The following ANGPT1 variants were observed in gnomAD, a reference collection of about 807,000 sequenced individuals.
ANGPT1 encodes the protein angiopoietin 1, also known as angiopoietin-1.
In ANGPT1, 17 loss-of-function variants were observed where a neutral mutation model predicts 62.2. That is an observed-to-expected ratio of 0.27 (90% CI 0.19 to 0.41). ANGPT1 has a LOEUF of 0.41. ANGPT1 is among the 10% of genes least tolerant of loss of function. The probability of loss-of-function intolerance (pLI) is 1.00; values close to 1 mark genes in which losing one functional copy is unlikely to be tolerated. For missense variants in ANGPT1, 478 were observed against 594.9 expected (o/e 0.80, Z 2.04); for synonymous variants, 199 against 198.9 (o/e 1.00, Z 0.00).
intron 1 of ANGPT1, among the ~76,000 whole-genome samples, chr8:107,374,845 G>T (rs998445579): frequency 6.6e-6 from 1 of 152,170 alleles, no homozygotes; most frequent in African/African-American, 2.4e-5. Context: ...GTATCAGATG[G>T]TATTTAGCTA....
At chr8:107,310,058 T>G (rs1169559224) in intron 4 of ANGPT1, among the ~76,000 whole-genome samples, 2 of 152,150 alleles carry the variant, frequency 1.3e-5, no homozygotes, top group Non-Finnish European at 2.9e-5. Context: ...AAGAACTTCT[T>G]TGCTCTCATT....
At chr8:107,284,893 T>C in intron 6 of ANGPT1, 45 bp from the exon 7 acceptor site, 2 of 1,362,692 alleles carry the variant, frequency 1.5e-6, no homozygotes, top group South Asian at 2.0e-5. Context: ...AGAGAGGAAT[T>C]CTTTTCATGT....
In ANGPT1 at chr8:107,424,961, G is replaced by A. The variant is rs577943587; in HGVS notation, c.297+72301C>T. On this transcript the variant is annotated intron_variant, in intron 1 of 8. Coordinates refer to ENST00000517746, the MANE Select transcript of ANGPT1 (RefSeq NM_001146.5). ...ATCATCTCGACTCACTGCAACCTTC[G>A]CCTCCCGGGTTCAAGTGATTCTCCT... 2.6e-5 allele frequency among the ~76,000 whole-genome samples: 4 copies of A among 152,108 alleles called. No individual in the cohort carries two copies. In the South Asian group the frequency reaches 6.2e-4, roughly 24 times the overall value.
intron 7 of ANGPT1, among the ~76,000 whole-genome samples, chr8:107,282,434 GTGTA>G (rs892095761): frequency 4.0e-4 from 9 of 22,228 alleles, no homozygotes; most frequent in Admixed American, 1.8e-3. Context: ...ATATATATGT[GTGTA>G]TGTGTGTGTG....
At chr8:107,330,993 T>C (rs1018517362) in intron 3 of ANGPT1, among the ~76,000 whole-genome samples, 1 of 152,110 alleles carries the variant, frequency 6.6e-6, no homozygotes, top group African/African-American at 2.4e-5. Flanking sequence ...TAGAATAATA[T>C]AAATTCAAAA....
At chr8:107,432,254 G>T (rs1811207224) in intron 1 of ANGPT1, among the ~76,000 whole-genome samples, 1 of 151,612 alleles carries the variant, frequency 6.6e-6, no homozygotes, top group African/African-American at 2.4e-5. Flanking sequence ...AAATTATTTT[G>T]GGATTATTCC....
rs1371396961 is a variant in ANGPT1, at chr8:107,257,876, G to GTTTTTTGT, written c.1337-5862_1337-5861insACAAAAAA. 1.5e-4 allele frequency among the ~76,000 whole-genome samples: 13 copies of GTTTTTTGT among 85,296 alleles called. 2 individuals are homozygous for GTTTTTTGT. The highest frequency in any genetic ancestry group is 6.0e-4 in the African/African-American group (13 of 21,536). 56.0% of individuals were successfully genotyped at this position (85,296 alleles called of 152,430 possible). The stretch of plus-strand genomic sequence containing the variant: ...CTCTTCAGGCCAAGGACTTGTTTTT[G>GTTTTTTGT]TTTCTTTTTTGTTTGTTTGTTTGTT... On this transcript the variant is annotated intron_variant, in intron 8 of 8. Transcript: ENST00000517746.
intron 1 of ANGPT1, among the ~76,000 whole-genome samples, chr8:107,425,735 T>C (rs1408036286): frequency 1.3e-5 from 2 of 152,218 alleles, no homozygotes; most frequent in African/African-American, 4.8e-5. Flanking sequence ...TGAAGACAGT[T>C]ACTTTCCCAC....
In ANGPT1 at chr8:107,277,861, G is replaced by A. The variant is rs1251014063; in HGVS notation, c.1205+6821C>T. Among the ~76,000 whole-genome samples the A allele has an allele frequency of 4.6e-5, 7 of 152,060 alleles. No individual in the cohort carries two copies. In the South Asian group the frequency reaches 8.3e-4, roughly 18 times the overall value. On this transcript the variant is annotated intron_variant, in intron 7 of 8. Transcript: ENST00000517746. ...TGGTAGACTGTTTCAGGTAAAAGGC[G>A]ACTCAAGAGACATGACTGCAAATGC...
intron 2 of ANGPT1, among the ~76,000 whole-genome samples, chr8:107,339,004 T>C (rs993594110): frequency 1.3e-5 from 2 of 152,260 alleles, no homozygotes; most frequent in Non-Finnish European, 1.5e-5. Flanking sequence ...CGCCGTACTC[T>C]CTGATCACAG....
At chr8:107,464,218 GATAA>G (rs1311336083) in intron 1 of ANGPT1, among the ~76,000 whole-genome samples, 1 of 152,098 alleles carries the variant, frequency 6.6e-6, no homozygotes, top group Non-Finnish European at 1.5e-5. Context: ...GATTAGAGGA[GATAA>G]TACACATATA....
chr8:107,497,622 A>G lies in ANGPT1; in HGVS notation c.-64T>C, dbSNP rs566926821. On this transcript the variant is annotated 5_prime_UTR_variant, in exon 1 of 9. Transcript: ENST00000517746. ...CTTGCTCCTTTCTTCTGACCTCTAA[A>G]ACTAGTTCTTTATTTCAGGTAAAAC... The G allele has an allele frequency of 1.5e-4, 228 of 1,494,090 alleles. 2 individuals are homozygous for G. In the Middle Eastern group the frequency reaches 7.6e-3, roughly 50 times the overall value. 92.6% of individuals were successfully genotyped at this position (1,494,090 alleles called of 1,614,324 possible). A position where few individuals can be genotyped will look rare whatever the true frequency, so the allele number is the denominator to read the frequency against.
intron 1 of ANGPT1, among the ~76,000 whole-genome samples, chr8:107,375,916 T>C (rs1816522206): frequency 6.6e-6 from 1 of 152,220 alleles, no homozygotes; most frequent in Non-Finnish European, 1.5e-5. Context: ...TCAATCATTG[T>C]TCTAGAATAT....
rs150101500 is a variant in ANGPT1, at chr8:107,284,741, C to G, written c.1146G>C (p.Gly382=). The G allele has an allele frequency of 6.2e-7, 1 of 1,610,862 alleles. No individual in the cohort carries two copies. The part of the protein sequence containing the change: ...MLRIELMDWE[G]NRAYSQYDRF... Reference sequence around the variant, plus strand: ...TGTCATACTGTGAATAGGCTCGGTTCCCTTCCCAGTCCATTAACTCAATTC... The same window carrying G: ...TGTCATACTGTGAATAGGCTCGGTTGCCTTCCCAGTCCATTAACTCAATTC... The change falls in exon 7 of 9, where the codon GGG becomes GGC. Residue 382 remains glycine (G), a synonymous_variant. Coordinates refer to ENST00000517746, the MANE Select transcript of ANGPT1 (RefSeq NM_001146.5).
rs1324132147 is a variant in ANGPT1, at chr8:107,354,789, T to C, written c.298-7692A>G. Among the ~76,000 whole-genome samples, 6 of 152,174 alleles carry C rather than the reference T, an allele frequency of 3.9e-5. 1 individual carries two copies. Among genetic ancestry groups the C allele is most frequent in the Non-Finnish European group, 4.4e-5 (3 of 68,036 alleles). On this transcript the variant is annotated intron_variant, in intron 1 of 8. Transcript: ENST00000517746. ...GTCTTTCTCCAACACGACTTGGCTT[T>C]CTGTCTTTAATTTTTATCACAGTGA...
chr8:107,407,782 C>T (rs936263793), intron 1 of ANGPT1, among the ~76,000 whole-genome samples: 1 of 152,106 alleles, frequency 6.6e-6, no homozygotes, highest in African/African-American at 2.4e-5. Flanking sequence ...CTACGAGAGG[C>T]GGTGTGTATG....
intron 2 of ANGPT1, among the ~76,000 whole-genome samples, chr8:107,341,159 A>G (rs1815688363): frequency 6.6e-6 from 1 of 152,208 alleles, no homozygotes; most frequent in Non-Finnish European, 1.5e-5. Context: ...GCAATCTGGC[A>G]TATGTGTCTC....
intron 1 of ANGPT1, among the ~76,000 whole-genome samples, chr8:107,402,010 G>C (rs568978453): frequency 2.0e-5 from 3 of 152,064 alleles, no homozygotes; most frequent in Non-Finnish European, 2.9e-5. Flanking sequence ...GCCACCTCCA[G>C]GATTTAAAAA....
intron 1 of ANGPT1, among the ~76,000 whole-genome samples, chr8:107,347,895 A>G (rs1815840677): frequency 2.0e-5 from 3 of 152,168 alleles, no homozygotes; most frequent in Non-Finnish European, 4.4e-5. Flanking sequence ...ATGGTGCCAT[A>G]GGGACCATGG....
Sources: gnomAD v4.1 joint callset for allele counts (sites outside exome capture counted in the v4.1 genomes callset) on GRCh38, gnomAD v4.1.1 for gene constraint, MANE v1.5 for transcripts, NCBI Gene and HGNC (gene_info 2026-07-23, HGNC 2026-07-21) for gene names.